NRCAM: variants seen among roughly 807,000 people sequenced by gnomAD.
The protein encoded by NRCAM is NgCAM-related cell adhesion molecule.
Under a neutral mutation model 156.5 loss-of-function variants are expected in NRCAM, and 83 were observed. That is an observed-to-expected ratio of 0.53 (90% CI 0.44 to 0.64). NRCAM has a LOEUF of 0.64. Among genes scored for constraint, NRCAM ranks in the 30% least tolerant of loss-of-function variants. The probability of loss-of-function intolerance (pLI) is 0.00; values close to 1 mark genes in which losing one functional copy is unlikely to be tolerated. For synonymous variants in NRCAM, 538 were observed against 563.9 expected (o/e 0.95, Z 0.65); for missense variants, 1,417 against 1,597.3 (o/e 0.89, Z 1.92).
upstream of NRCAM, chr7:108,456,555 C>T (rs1857596719): frequency 2.0e-5 from 3 of 152,270 alleles, no homozygotes; most frequent in Admixed American, 2.0e-4. Context: ...CCCGCACTCC[C>T]TGCGGGCGTC....
chr7:108,275,931 G>A (rs779106315), intron 3 of NRCAM, among the ~76,000 whole-genome samples: 9 of 152,032 alleles, frequency 5.9e-5, no homozygotes, highest in Admixed American at 2.0e-4. Context: ...CTGGTACATC[G>A]TGTCTTTGTT....
At chr7:108,414,515 A>C (rs1199857493) in intron 1 of NRCAM, among the ~76,000 whole-genome samples, 1 of 152,196 alleles carries the variant, frequency 6.6e-6, no homozygotes, top group Non-Finnish European at 1.5e-5. Flanking sequence ...AAAGAGGCAT[A>C]AAAGAAGTGA....
intron 1 of NRCAM, among the ~76,000 whole-genome samples, chr7:108,414,671 C>T (rs1393695463): frequency 1.3e-5 from 2 of 152,154 alleles, no homozygotes; most frequent in Non-Finnish European, 2.9e-5. Flanking sequence ...TTTGATACCA[C>T]TCAGTGTACA....
intron 3 of NRCAM, among the ~76,000 whole-genome samples, chr7:108,293,614 T>C (rs1004867127): frequency 6.6e-6 from 1 of 152,240 alleles, no homozygotes; most frequent in Admixed American, 6.5e-5. Context: ...ACCCTTATGA[T>C]TGTCTCCTAA....
At chr7:108,254,319 C>T (rs1032634926) in intron 3 of NRCAM, among the ~76,000 whole-genome samples, 1 of 152,030 alleles carries the variant, frequency 6.6e-6, no homozygotes, top group Non-Finnish European at 1.5e-5. Context: ...GAGATTTCTC[C>T]AAAGAAGATA....
upstream of NRCAM, chr7:108,456,513 C>G (rs529817207): frequency 2.0e-5 from 3 of 152,070 alleles, no homozygotes; most frequent in Non-Finnish European, 4.4e-5. Context: ...TTGCCCCTCC[C>G]GGCTCTCCTT....
intron 3 of NRCAM, among the ~76,000 whole-genome samples, chr7:108,278,471 G>A (rs115888585): frequency 0.02 from 3,104 of 152,248 alleles, 116 homozygotes; most frequent in African/African-American, 0.07. Context: ...AACGGCGGAC[G>A]CCCCTCCCCG....
At chr7:108,392,542 T>C (rs1254249888) in intron 2 of NRCAM, among the ~76,000 whole-genome samples, 2 of 152,144 alleles carry the variant, frequency 1.3e-5, no homozygotes, top group African/African-American at 2.4e-5. Context: ...TCAGAGAAGT[T>C]TGATCGTCTG....
chr7:108,235,304 A>AT (rs2094827403), intron 5 of NRCAM, among the ~76,000 whole-genome samples: 1 of 152,144 alleles, frequency 6.6e-6, no homozygotes, highest in East Asian at 1.9e-4. Context: ...CAGTGTTCCC[A>AT]TTTACTCTTC....
intron 1 of NRCAM, among the ~76,000 whole-genome samples, chr7:108,434,001 C>A (rs1441635767): frequency 6.6e-6 from 1 of 152,200 alleles, no homozygotes; most frequent in Non-Finnish European, 1.5e-5. Context: ...GACAAATACT[C>A]TCCCTAGATA....
chr7:108,408,629 A>T lies in NRCAM; in HGVS notation c.-331-9036T>A, dbSNP rs1027636109. Among the ~76,000 whole-genome samples the T allele has an allele frequency of 2.0e-5, 3 of 152,234 alleles. No individual in the cohort carries two copies. The South Asian group carries it at 6.2e-4, about 31-fold the overall frequency. On this transcript the variant is annotated intron_variant, in intron 1 of 32. Coordinates refer to ENST00000379028, the MANE Select transcript of NRCAM (RefSeq NM_001037132.4). ...CACAATAAAATAGCCAAAGCCTCTTATTAGGGAAAATTGATATTTAATATT... is the reference window on the plus strand; with the variant it reads ...CACAATAAAATAGCCAAAGCCTCTTTTTAGGGAAAATTGATATTTAATATT...
At chr7:108,447,620 TAAAGG>T (rs1365964619) in intron 1 of NRCAM, among the ~76,000 whole-genome samples, 2 of 152,076 alleles carry the variant, frequency 1.3e-5, no homozygotes, top group African/African-American at 4.8e-5. Flanking sequence ...CACCTGTACA[TAAAGG>T]AACAAAACAG....
intron 3 of NRCAM, among the ~76,000 whole-genome samples, chr7:108,256,787 G>A (rs1311383914): frequency 2.6e-5 from 4 of 152,056 alleles, no homozygotes; most frequent in African/African-American, 7.2e-5. Context: ...AGGCCAAGGC[G>A]GGCGGATTAC....
chr7:108,252,769 C>T lies in NRCAM; in HGVS notation c.-106-12599G>A, dbSNP rs535714310. ...GCTATCAAGCAAGATGCAGGAAAAACGGTCACATTTGAAAGAAGTACTTTG... is the reference window on the plus strand; with the variant it reads ...GCTATCAAGCAAGATGCAGGAAAAATGGTCACATTTGAAAGAAGTACTTTG... On this transcript the variant is annotated intron_variant, in intron 3 of 32. Coordinates refer to ENST00000379028, the MANE Select transcript of NRCAM (RefSeq NM_001037132.4). Among the ~76,000 whole-genome samples, 9 of 152,300 alleles carry T rather than the reference C, an allele frequency of 5.9e-5. No homozygotes were observed. In the South Asian group the frequency reaches 6.2e-4, roughly 11 times the overall value.
At chr7:108,226,921 A>G (rs1456431351) in intron 8 of NRCAM, among the ~76,000 whole-genome samples, 1 of 152,162 alleles carries the variant, frequency 6.6e-6, no homozygotes, top group African/African-American at 2.4e-5. Context: ...CAGGCAGCAA[A>G]TGGCCAGCTG....
chr7:108,447,292 G>A (rs1451711315), intron 1 of NRCAM, among the ~76,000 whole-genome samples: 10 of 120,290 alleles, frequency 8.3e-5, no homozygotes, highest in Admixed American at 6.5e-4. Flanking sequence ...TTTAGACAGC[G>A]TCTCGCTCTA....
chr7:108,286,537 T>C (rs1297243152), intron 3 of NRCAM, among the ~76,000 whole-genome samples: 1 of 152,182 alleles, frequency 6.6e-6, no homozygotes, highest in African/African-American at 2.4e-5. Flanking sequence ...AAAGATTTGA[T>C]GTGGAAAAGG....
In NRCAM at chr7:108,399,449, A is replaced by G. The variant is rs2099785700; in HGVS notation, c.-187T>C. The G allele has an allele frequency of 6.6e-6, 1 of 152,200 alleles. No individual in the cohort carries two copies. The highest frequency in any genetic ancestry group is 1.5e-5 in the Non-Finnish European group (1 of 68,044). 9.4% of individuals were successfully genotyped at this position (152,200 alleles called of 1,614,324 possible). Reference sequence around the variant, plus strand: ...ATTCACTCTCACCTTCAGAAGGTCCACTGGGCTAGACACCTCCCAAATGTT... The same window carrying G: ...ATTCACTCTCACCTTCAGAAGGTCCGCTGGGCTAGACACCTCCCAAATGTT... On this transcript the variant is annotated 5_prime_UTR_variant, in exon 2 of 33. Transcript: ENST00000379028.
chr7:108,329,580 G>C (rs897362187), intron 2 of NRCAM, among the ~76,000 whole-genome samples: 6 of 152,118 alleles, frequency 3.9e-5, no homozygotes, highest in Admixed American at 6.5e-5. Flanking sequence ...CTGAAAAACT[G>C]TTCTGCATTT....
Sources: gnomAD v4.1 joint callset for allele counts (sites outside exome capture counted in the v4.1 genomes callset) on GRCh38, gnomAD v4.1.1 for gene constraint, MANE v1.5 for transcripts, NCBI Gene and HGNC (gene_info 2026-07-23, HGNC 2026-07-21) for gene names.